RPSA2: variants seen among roughly 807,000 people sequenced by gnomAD.
The protein encoded by RPSA2 is small ribosomal subunit protein uS2B.
the RPSA2 span, among the ~76,000 whole-genome samples, chr19:23,850,865 C>A: frequency 2.0e-5 from 3 of 152,040 alleles, no homozygotes; most frequent in Non-Finnish European, 4.4e-5. Context: ...TTAAATTATT[C>A]TTTTGTTGTT....
chr19:23,823,143 G>C, the RPSA2 span, among the ~76,000 whole-genome samples: 1 of 152,186 alleles, frequency 6.6e-6, no homozygotes, highest in Non-Finnish European at 1.5e-5. Flanking sequence ...ATTTCACAGA[G>C]AGTTCTCAGC....
At chr19:23,857,316 G>T in the RPSA2 span, among the ~76,000 whole-genome samples, 2 of 152,024 alleles carry the variant, frequency 1.3e-5, no homozygotes, top group African/African-American at 4.8e-5. Flanking sequence ...AGTAAGACAG[G>T]CATAAGAAAT....
chr19:23,851,662 T>C, the RPSA2 span, among the ~76,000 whole-genome samples: 4 of 152,214 alleles, frequency 2.6e-5, no homozygotes, highest in Non-Finnish European at 4.4e-5. Flanking sequence ...CTCTGCCTTT[T>C]GAGCAGTTGT....
the RPSA2 span, among the ~76,000 whole-genome samples, chr19:23,770,582 A>T: frequency 6.6e-6 from 1 of 152,196 alleles, no homozygotes. Context: ...TGCATTCATT[A>T]TCTAGGAGAT....
chr19:23,809,796 C>G, the RPSA2 span, among the ~76,000 whole-genome samples: 1 of 151,850 alleles, frequency 6.6e-6, no homozygotes, highest in African/African-American at 2.4e-5. Flanking sequence ...TACTTTTGGT[C>G]TTCAATTTCA....
the RPSA2 span, among the ~76,000 whole-genome samples, chr19:23,773,641 A>G: frequency 6.6e-6 from 1 of 152,154 alleles, no homozygotes; most frequent in South Asian, 2.1e-4. Context: ...ATTTTCTCAC[A>G]TAAACATAGC....
the RPSA2 span, among the ~76,000 whole-genome samples, chr19:23,766,287 G>T: frequency 1.3e-5 from 2 of 150,796 alleles, no homozygotes; most frequent in African/African-American, 4.9e-5. Context: ...CGAGTAGCTG[G>T]GATTATAGGC....
At chr19:23,793,116 A>C in the RPSA2 span, among the ~76,000 whole-genome samples, 1 of 152,102 alleles carries the variant, frequency 6.6e-6, no homozygotes, top group Non-Finnish European at 1.5e-5. Context: ...CTTGTTTTTC[A>C]GTGAGTAAAA....
At chr19:23,832,667 G>C in the RPSA2 span, 2 of 1,478,064 alleles carry the variant, frequency 1.4e-6, no homozygotes, top group Non-Finnish European at 1.8e-6. Flanking sequence ...GCATTTCTAT[G>C]GTTCATTACC....
At chr19:23,780,850 C>T in the RPSA2 span, among the ~76,000 whole-genome samples, 2 of 152,188 alleles carry the variant, frequency 1.3e-5, no homozygotes, top group African/African-American at 2.4e-5. Context: ...CTTATATTCA[C>T]ACCCAGTCAA....
the RPSA2 span, among the ~76,000 whole-genome samples, chr19:23,830,342 A>G: frequency 6.6e-6 from 1 of 152,038 alleles, no homozygotes; most frequent in East Asian, 1.9e-4. Context: ...ACAGGGTTTC[A>G]CCATCTTGTC....
At chr19:23,859,488 G>A in the RPSA2 span, among the ~76,000 whole-genome samples, 413 of 152,200 alleles carry the variant, frequency 2.7e-3, no homozygotes, top group African/African-American at 9.7e-3. Flanking sequence ...ATTAGCCAGC[G>A]TGGTGGCACA....
the RPSA2 span, among the ~76,000 whole-genome samples, chr19:23,844,394 T>A: frequency 6.6e-6 from 1 of 152,172 alleles, no homozygotes; most frequent in Admixed American, 6.5e-5. Context: ...TTTTTTTGGG[T>A]AGATACCCAA....
chr19:23,775,833 T>A, the RPSA2 span, among the ~76,000 whole-genome samples: 1 of 152,260 alleles, frequency 6.6e-6, no homozygotes, highest in Non-Finnish European at 1.5e-5. Context: ...CTTGTGTGCT[T>A]AGATCCAACA....
the RPSA2 span, among the ~76,000 whole-genome samples, chr19:23,761,578 C>T: frequency 1.3e-5 from 2 of 151,996 alleles, no homozygotes; most frequent in African/African-American, 2.4e-5. Flanking sequence ...AAATATAATG[C>T]GTATTGAGAA....
chr19:23,804,109 ATGT>A, the RPSA2 span, among the ~76,000 whole-genome samples: 5 of 152,188 alleles, frequency 3.3e-5, no homozygotes, highest in Admixed American at 6.5e-5. Context: ...ACATGTGTAC[ATGT>A]TGTTTTCTAA....
chr19:23,813,054 C>G, the RPSA2 span, among the ~76,000 whole-genome samples: 1 of 151,910 alleles, frequency 6.6e-6, no homozygotes, highest in Non-Finnish European at 1.5e-5. Flanking sequence ...AATGTGGAGA[C>G]ACCCTCTCTA....
chr19:23,804,294 C>CTTTTTTTTT, the RPSA2 span, among the ~76,000 whole-genome samples: 2 of 142,508 alleles, frequency 1.4e-5, no homozygotes. Flanking sequence ...CCTCATTTTT[C>CTTTTTTTTT]TTTTTCTTTT....
At chr19:23,840,409 C>A in the RPSA2 span, among the ~76,000 whole-genome samples, 2 of 152,144 alleles carry the variant, frequency 1.3e-5, no homozygotes, top group Non-Finnish European at 2.9e-5. Context: ...TCAGCCTGAG[C>A]AGGTGAAGAT....
Sources: gnomAD v4.1 joint callset for allele counts (sites outside exome capture counted in the v4.1 genomes callset) on GRCh38, gnomAD v4.1.1 for gene constraint, MANE v1.5 for transcripts, NCBI Gene and HGNC (gene_info 2026-07-23, HGNC 2026-07-21) for gene names.